ANO4: variants seen among roughly 807,000 people sequenced by gnomAD.
ANO4 encodes anoctamin 4.
In ANO4, 69 loss-of-function variants were observed where a neutral mutation model predicts 141.9. The ratio of observed to expected loss-of-function variants is 0.49; its 90% CI spans 0.40 to 0.59. ANO4 has a LOEUF of 0.59. Ranked by LOEUF, ANO4 falls within the 20% of genes least tolerant of loss-of-function variation. The pLI is 0.00. For synonymous variants in ANO4, 350 were observed against 394.3 expected, an observed-to-expected ratio of 0.89 and a Z score of 1.33; for missense variants, 894 against 1,162.2, an observed-to-expected ratio of 0.77 and a Z score of 3.36.
chr12:101,121,753 CTTTTTTT>C (rs71091478), intron 26 of ANO4, among the ~76,000 whole-genome samples: 3 of 110,452 alleles, frequency 2.7e-5, no homozygotes, highest in African/African-American at 4.1e-5. Flanking sequence ...AATTTGTTTA[CTTTTTTT>C]TTTTTTTTTT....
intron 1 of ANO4, among the ~76,000 whole-genome samples, chr12:100,824,857 G>A (rs529054001): frequency 5.9e-5 from 9 of 152,138 alleles, no homozygotes; most frequent in Non-Finnish European, 1.3e-4. Context: ...AGTGACAAAG[G>A]AGCTATATTA....
chr12:100,903,650 G>A (rs1385757449), intron 2 of ANO4, among the ~76,000 whole-genome samples: 1 of 152,170 alleles, frequency 6.6e-6, no homozygotes, highest in Non-Finnish European at 1.5e-5. Context: ...GTGGGAGATG[G>A]CTAGGCAAGT....
chr12:100,867,135 G>A (rs2038790032), intron 1 of ANO4, among the ~76,000 whole-genome samples: 1 of 152,160 alleles, frequency 6.6e-6, no homozygotes, highest in South Asian at 2.1e-4. Context: ...ACCACACTCT[G>A]TGTTGATTGC....
intron 3 of ANO4, among the ~76,000 whole-genome samples, chr12:100,774,367 A>G (rs2033408959): frequency 6.6e-6 from 1 of 152,248 alleles, no homozygotes; most frequent in Non-Finnish European, 1.5e-5. Flanking sequence ...AATTGCATCA[A>G]CAACATTTTA....
intron 1 of ANO4, among the ~76,000 whole-genome samples, chr12:100,733,616 T>A (rs2031481700): frequency 6.6e-6 from 1 of 152,194 alleles, no homozygotes; most frequent in Non-Finnish European, 1.5e-5. Flanking sequence ...CACCTGGCTC[T>A]CCCTAAACGT....
At chr12:100,886,388 A>C (rs2039831179) in intron 1 of ANO4, among the ~76,000 whole-genome samples, 1 of 144,826 alleles carries the variant, frequency 6.9e-6, no homozygotes, top group South Asian at 2.2e-4. Flanking sequence ...CGTTGCTTTC[A>C]GTCTCAACAA....
chr12:101,086,917 G>C, intron 17 of ANO4, 93 bp downstream of exon 17: 1 of 1,437,340 alleles, frequency 7.0e-7, no homozygotes, highest in African/African-American at 1.4e-5. Context: ...TGGCCTCAGA[G>C]AGGTGGGCCA....
rs75041336 is a variant in ANO4, at chr12:101,054,805, C to G, written c.1312+6404C>G. Among the ~76,000 whole-genome samples, 1,129 of 152,288 alleles carry G rather than the reference C, an allele frequency of 7.4e-3. 14 individuals carry two copies. The highest frequency in any genetic ancestry group is 0.026 in the African/African-American group (1,066 of 41,548). ...CCCGGCCTAAGAGAACATTTTTATCCTCTCAAAAGTTTCCTCATGCCTCTG... is the reference window on the plus strand; with the variant it reads ...CCCGGCCTAAGAGAACATTTTTATCGTCTCAAAAGTTTCCTCATGCCTCTG... On this transcript the variant is annotated intron_variant, in intron 14 of 27. Transcript: ENST00000392977.
intron 1 of ANO4, among the ~76,000 whole-genome samples, chr12:100,861,311 G>T (rs934356059): frequency 6.6e-6 from 1 of 152,114 alleles, no homozygotes; most frequent in Non-Finnish European, 1.5e-5. Flanking sequence ...AACCTAGATG[G>T]TATAGCCTAC....
intron 1 of ANO4, among the ~76,000 whole-genome samples, chr12:100,824,208 C>G (rs571659194): frequency 1.2e-4 from 19 of 152,100 alleles, no homozygotes; most frequent in Admixed American, 8.5e-4. Flanking sequence ...TGGTGCTTGA[C>G]CTGACTGTAC....
chr12:100,968,516 A>G (rs1243118886), intron 5 of ANO4, among the ~76,000 whole-genome samples: 1 of 152,118 alleles, frequency 6.6e-6, no homozygotes, highest in Middle Eastern at 3.2e-3. Flanking sequence ...TCTTTCTCTC[A>G]TAGGAAGATG....
intron 1 of ANO4, among the ~76,000 whole-genome samples, chr12:100,856,700 G>A (rs576985511): frequency 1.3e-5 from 2 of 152,220 alleles, no homozygotes; most frequent in East Asian, 3.9e-4. Context: ...GTGAGGGAAG[G>A]GAGTTTCAGC....
At chr12:100,975,022 A>G in intron 7 of ANO4, 133 bp downstream of exon 7, 1 of 1,034,372 alleles carries the variant, frequency 9.7e-7, no homozygotes, top group Non-Finnish European at 1.5e-6. Context: ...GCACATTTTA[A>G]AATCAGCTGT....
chr12:101,027,663 A>G (rs925179987), intron 9 of ANO4, among the ~76,000 whole-genome samples: 15 of 152,114 alleles, frequency 9.9e-5, no homozygotes, highest in Admixed American at 9.2e-4. Context: ...GGGCTTCCCT[A>G]CAGGAACTCC....
At chr12:100,769,803 G>A (rs533354974) in intron 3 of ANO4, among the ~76,000 whole-genome samples, 15 of 152,264 alleles carry the variant, frequency 9.9e-5, no homozygotes, top group African/African-American at 2.2e-4. Context: ...GCCACAAGCC[G>A]TCTCTTATGG....
At chr12:100,828,263 T>A (rs2036463452) in intron 1 of ANO4, among the ~76,000 whole-genome samples, 1 of 151,990 alleles carries the variant, frequency 6.6e-6, no homozygotes, top group Admixed American at 6.6e-5. Context: ...CATTCCCCAA[T>A]TGGAGAGGGG....
At chr12:100,828,617 C>T (rs1257324284) in intron 1 of ANO4, among the ~76,000 whole-genome samples, 1 of 151,852 alleles carries the variant, frequency 6.6e-6, no homozygotes, top group Non-Finnish European at 1.5e-5. Context: ...ATCTTTTACA[C>T]GTGATTGATT....
intron 1 of ANO4, among the ~76,000 whole-genome samples, chr12:100,856,110 A>G (rs2038154159): frequency 6.6e-6 from 1 of 152,132 alleles, no homozygotes; most frequent in African/African-American, 2.4e-5. Flanking sequence ...GCATTTGGAA[A>G]CTATTGAAAT....
Position 101,007,780 on chromosome 12 carries a change from C to T in ANO4, c.735-12254C>T, listed in dbSNP as rs145575995. ...TGTCACACGGGCTGGAGCACAGCTG[C>T]GTGATCATAGCTTACTGCAGCCTTG... On this transcript the variant is annotated intron_variant, in intron 8 of 27. Coordinates refer to ENST00000392977, the MANE Select transcript of ANO4 (RefSeq NM_001286615.2). 4.8e-3 allele frequency among the ~76,000 whole-genome samples: 726 copies of T among 152,188 alleles called. 6 individuals carry two copies. Among genetic ancestry groups the T allele is most frequent in the African/African-American group, 0.016 (671 of 41,528 alleles).
Sources: gnomAD v4.1 joint callset for allele counts (sites outside exome capture counted in the v4.1 genomes callset) on GRCh38, gnomAD v4.1.1 for gene constraint, MANE v1.5 for transcripts, NCBI Gene and HGNC (gene_info 2026-07-23, HGNC 2026-07-21) for gene names.